The following RASSF5 variants were observed in gnomAD, a reference collection of about 807,000 sequenced individuals.
RASSF5 encodes the protein ras association domain-containing protein 5.
In RASSF5, 25 loss-of-function variants were observed where a neutral mutation model predicts 40.5. The ratio of observed to expected loss-of-function variants is 0.62; its 90% CI spans 0.45 to 0.86. The LOEUF is 0.86. Ranked by LOEUF, RASSF5 falls within the 40% of genes least tolerant of loss-of-function variation. The pLI is 0.00. For missense variants in RASSF5, 521 were observed against 572.8 expected, an observed-to-expected ratio of 0.91 and a Z score of 0.92; for synonymous variants, 246 against 252.4, an observed-to-expected ratio of 0.97 and a Z score of 0.24.
chr1:206,582,227 G>A (rs1385563641), intron 2 of RASSF5, among the ~76,000 whole-genome samples: 1 of 152,136 alleles, frequency 6.6e-6, no homozygotes, highest in Non-Finnish European at 1.5e-5. Context: ...ATTCACCCCT[G>A]TATTGTCTCT....
chr1:206,523,692 A>G (rs1484727971), intron 1 of RASSF5, among the ~76,000 whole-genome samples: 2 of 87,210 alleles, frequency 2.3e-5, no homozygotes, highest in African/African-American at 9.5e-5. Flanking sequence ...AATATATTAT[A>G]TATAATATAT....
rs142859265 is a variant in RASSF5, at chr1:206,587,483, T to A, written c.*505T>A. On this transcript the variant is annotated 3_prime_UTR_variant, in exon 6 of 6. Coordinates refer to ENST00000579436, the MANE Select transcript of RASSF5 (RefSeq NM_182663.4). Reference sequence around the variant, plus strand: ...AGCAGGGTAATGCTCATAAAAGGACTGTTCCCGCGGCCCCAAGGTGCCTGT... The same window carrying A: ...AGCAGGGTAATGCTCATAAAAGGACAGTTCCCGCGGCCCCAAGGTGCCTGT... 2 of 177,670 alleles carry A rather than the reference T, an allele frequency of 1.1e-5. No homozygotes were observed. Among genetic ancestry groups the A allele is most frequent in the Admixed American group, 1.2e-4 (2 of 17,344 alleles). The allele number at this position is 177,670 out of a possible 1,614,324, so 11.0% of individuals were successfully genotyped here.
At chr1:206,585,061 G>A in intron 4 of RASSF5, 119 bp from the exon 5 acceptor site, 3 of 714,724 alleles carry the variant, frequency 4.2e-6, no homozygotes, top group Non-Finnish European at 7.3e-6. Context: ...TCATTAAAAG[G>A]CCCGTGTCTA....
intron 1 of RASSF5, among the ~76,000 whole-genome samples, chr1:206,510,964 G>A (rs1003771475): frequency 6.6e-6 from 1 of 152,148 alleles, no homozygotes; most frequent in Non-Finnish European, 1.5e-5. Context: ...GTTGGCAGAA[G>A]GGCACTTTAG....
chr1:206,511,287 T>C (rs1165301924), intron 1 of RASSF5, among the ~76,000 whole-genome samples: 2 of 152,168 alleles, frequency 1.3e-5, no homozygotes, highest in Non-Finnish European at 2.9e-5. Context: ...TAGGAGGGAA[T>C]GGTCAACAGC....
chr1:206,509,670 A>G (rs1666564391), intron 1 of RASSF5, among the ~76,000 whole-genome samples: 1 of 151,984 alleles, frequency 6.6e-6, no homozygotes, highest in Admixed American at 6.5e-5. Flanking sequence ...GTTTGTAGTT[A>G]GACTTTGGGG....
At chr1:206,548,215 G>A (rs2103531334) in intron 2 of RASSF5, among the ~76,000 whole-genome samples, 1 of 152,124 alleles carries the variant, frequency 6.6e-6, no homozygotes, top group South Asian at 2.1e-4. Context: ...TTACTATGAA[G>A]GTATACCTGA....
At chr1:206,515,393 C>G (rs1371752518) in intron 1 of RASSF5, among the ~76,000 whole-genome samples, 2 of 152,320 alleles carry the variant, frequency 1.3e-5, no homozygotes, top group East Asian at 1.9e-4. Context: ...TCTCCCCGCT[C>G]CCACCTCACC....
chr1:206,580,129 C>T (rs1208451400), intron 2 of RASSF5, among the ~76,000 whole-genome samples: 4 of 152,198 alleles, frequency 2.6e-5, no homozygotes, highest in African/African-American at 9.7e-5. Flanking sequence ...TGCGTCACTT[C>T]CCCGCGTTTG....
intron 2 of RASSF5, among the ~76,000 whole-genome samples, chr1:206,546,342 C>T (rs1451175316): frequency 6.6e-6 from 1 of 151,908 alleles, no homozygotes; most frequent in African/African-American, 2.4e-5. Flanking sequence ...TGATCAGGGG[C>T]TCAAGTGATC....
intron 2 of RASSF5, among the ~76,000 whole-genome samples, chr1:206,582,444 T>G (rs1373432112): frequency 6.6e-6 from 1 of 152,210 alleles, no homozygotes; most frequent in Non-Finnish European, 1.5e-5. Context: ...TAAACTTCTC[T>G]TAGTCTCAAT....
At position 206,584,863 on chromosome 1, in the gene RASSF5, C is replaced by A. The variant is rs1279487258; in HGVS notation, c.988+179C>A. The A allele has an allele frequency of 1.1e-5, 7 of 664,372 alleles. No homozygotes were observed. Among genetic ancestry groups the A allele is most frequent in the Non-Finnish European group, 1.8e-5 (7 of 392,530 alleles). The allele number at this position is 664,372 out of a possible 1,614,324, so 41.2% of individuals were successfully genotyped here. A position where few individuals can be genotyped will look rare whatever the true frequency, so the allele number is the denominator to read the frequency against. On this transcript the variant is annotated intron_variant, in intron 4 of 5. Transcript: ENST00000579436. The surrounding 1 kb of genome is among the most constrained non-coding windows in gnomAD (Gnocchi z 4.9). ...CGGGCAGGGAGGCAAGAGCAGAGTC[C>A]CTGACTCTGCATGTGACTTCAGGAA...
intron 1 of RASSF5, among the ~76,000 whole-genome samples, chr1:206,527,147 T>C (rs1232443867): frequency 1.3e-5 from 2 of 152,180 alleles, no homozygotes; most frequent in Non-Finnish European, 2.9e-5. Flanking sequence ...CAGCACCCGA[T>C]TGAGTGTTCC....
chr1:206,574,177 G>C (rs1668551714), intron 2 of RASSF5, among the ~76,000 whole-genome samples: 1 of 152,238 alleles, frequency 6.6e-6, no homozygotes, highest in Non-Finnish European at 1.5e-5. Context: ...TCACCTCAAA[G>C]AGCAGGGGAC....
At position 206,531,396 on chromosome 1, in the gene RASSF5, T is replaced by C. The variant is rs1014584577; in HGVS notation, c.458-6776T>C. Among the ~76,000 whole-genome samples the C allele has an allele frequency of 1.4e-4, 21 of 152,248 alleles. No homozygotes were observed. Among genetic ancestry groups the C allele is most frequent in the African/African-American group, 4.1e-4 (17 of 41,528 alleles). On this transcript the variant is annotated intron_variant, in intron 1 of 5. Coordinates refer to ENST00000579436, the MANE Select transcript of RASSF5 (RefSeq NM_182663.4). This position sits in a 1 kb window ranked among gnomAD's most constrained non-coding sequence, Gnocchi z 4.7. ...TTGCAGAGGGAACAACTGTGTCTAT[T>C]GTATGAGAACCTGAGTCTGAAGGGA...
intron 1 of RASSF5, 94 bp downstream of exon 1, chr1:206,508,153 A>G (rs1666514541): frequency 3.0e-6 from 3 of 995,228 alleles, no homozygotes; most frequent in Non-Finnish European, 4.1e-6. Context: ...AGGGGCCATT[A>G]CACTCTTTGG....
chr1:206,577,992 G>GTGAGA (rs1367772189), intron 2 of RASSF5, among the ~76,000 whole-genome samples: 6 of 152,182 alleles, frequency 3.9e-5, no homozygotes, highest in African/African-American at 1.4e-4. Flanking sequence ...TGAGGCTGAA[G>GTGAGA]TGAGAGTATT....
chr1:206,584,317 GC>G lies in RASSF5; in HGVS notation c.691-66del. ...ACAGGTGGGTGCTGCTGGGGCAATG[GC>G]CCCGAGTGGCAGATATGATCATGCA... On this transcript the variant is annotated intron_variant, in intron 3 of 5. Coordinates refer to ENST00000579436, the MANE Select transcript of RASSF5 (RefSeq NM_182663.4). The surrounding 1 kb of genome is among the most constrained non-coding windows in gnomAD (Gnocchi z 4.9). 6.8e-7 allele frequency: 1 copy of G among 1,473,402 alleles called. No homozygotes were observed. The highest frequency in any genetic ancestry group is 9.2e-7 in the Non-Finnish European group (1 of 1,088,472). 91.3% of individuals were successfully genotyped at this position (1,473,402 alleles called of 1,614,324 possible).
At chr1:206,528,895 C>T (rs1270512960) in intron 1 of RASSF5, 1 of 523,434 alleles carries the variant, frequency 1.9e-6, no homozygotes, top group African/African-American at 1.9e-5. Flanking sequence ...AAAATTAGCT[C>T]TCTCCTCGCA....
Sources: allele counts gnomAD v4.1 joint callset (sites outside exome capture counted in the v4.1 genomes callset), GRCh38; gene constraint gnomAD v4.1.1; non-coding constraint Gnocchi (gnomAD v3.1); transcripts MANE v1.5; gene names NCBI Gene and HGNC (gene_info 2026-07-23, HGNC 2026-07-21).